CDKN1A: variants seen among roughly 807,000 people sequenced by gnomAD.
CDKN1A encodes cyclin-dependent kinase inhibitor 1.
A neutral mutation model predicts 14.8 loss-of-function variants in CDKN1A; 14 were observed. That is an observed-to-expected ratio of 0.94 (90% CI 0.62 to 1.48). CDKN1A has a LOEUF of 1.48. CDKN1A is among the 40% of genes most tolerant of loss of function. CDKN1A has a pLI of 0.00. For missense variants in CDKN1A, 203 were observed against 231.7 expected, an observed-to-expected ratio of 0.88 and a Z score of 0.80; for synonymous variants, 92 against 93.5, an observed-to-expected ratio of 0.98 and a Z score of 0.09.
Position 36,678,786 on chromosome 6 carries a change from G to A in CDKN1A, c.-18G>A, listed in dbSNP as rs1275929800. On this transcript the variant is annotated 5_prime_UTR_variant, in exon 1 of 3. Transcript: ENST00000244741. This position sits in a 1 kb window ranked among gnomAD's most constrained non-coding sequence, Gnocchi z 5.7. Reference sequence around the variant, plus strand: ...GGCGCGGATTCGCCGAGGCACCGAGGCACTCAGAGGAGGTGAGAGAGCGGC... The same window carrying A: ...GGCGCGGATTCGCCGAGGCACCGAGACACTCAGAGGAGGTGAGAGAGCGGC... 11 of 985,658 alleles carry A rather than the reference G, an allele frequency of 1.1e-5. No individual in the cohort carries two copies. Among genetic ancestry groups the A allele is most frequent in the African/African-American group, 1.7e-5 (1 of 57,264 alleles). The allele number at this position is 985,658 out of a possible 1,614,324, so 61.1% of individuals were successfully genotyped here. A position where few individuals can be genotyped will look rare whatever the true frequency, so the allele number is the denominator to read the frequency against.
At chr6:36,678,504 A>G (rs1761766336), upstream of CDKN1A, 1 of 183,848 alleles carries the variant, frequency 5.4e-6, no homozygotes, top group Non-Finnish European at 1.0e-5. The surrounding 1 kb of genome is among the most constrained non-coding windows in gnomAD (Gnocchi z 5.7). Flanking sequence ...GGAGGAGGGA[A>G]GTGCCCTCCT....
chr6:36,676,650 G>A (rs1293041727), upstream of CDKN1A: 2 of 152,282 alleles, frequency 1.3e-5, no homozygotes, highest in African/African-American at 4.8e-5. Context: ...TCTGATGCAT[G>A]TGTGCTTGTG....
intron 1 of CDKN1A, among the ~76,000 whole-genome samples, chr6:36,683,304 G>A: frequency 6.6e-6 from 1 of 152,116 alleles, no homozygotes; most frequent in East Asian, 1.9e-4. Flanking sequence ...AGTAAAACCT[G>A]GACTCCAGCC....
At chr6:36,679,227 A>C (rs1761812249) in intron 1 of CDKN1A, among the ~76,000 whole-genome samples, 1 of 152,172 alleles carries the variant, frequency 6.6e-6, no homozygotes, top group Non-Finnish European at 1.5e-5. Context: ...GGGCCCAGGA[A>C]GGGCGAGGAA....
At chr6:36,685,015 G>A (rs1022754772) in intron 2 of CDKN1A, among the ~76,000 whole-genome samples, 3 of 152,080 alleles carry the variant, frequency 2.0e-5, no homozygotes, top group Admixed American at 6.5e-5. Flanking sequence ...AATTTTTTGA[G>A]TTTTTGTAGA....
At chr6:36,681,406 T>TC (rs1491023051) in intron 1 of CDKN1A, among the ~76,000 whole-genome samples, 4 of 63,446 alleles carry the variant, frequency 6.3e-5, no homozygotes, top group Non-Finnish European at 9.1e-5. Context: ...TCTTTCTTTC[T>TC]TCCTTTCTCT....
At chr6:36,681,683 C>T (rs1231068386) in intron 1 of CDKN1A, among the ~76,000 whole-genome samples, 2 of 149,708 alleles carry the variant, frequency 1.3e-5, no homozygotes, top group Non-Finnish European at 1.5e-5. Context: ...AGCTCCGCCT[C>T]CCGGGTTCAC....
intron 1 of CDKN1A, among the ~76,000 whole-genome samples, chr6:36,679,839 G>A (rs1761846151): frequency 6.6e-6 from 1 of 151,992 alleles, no homozygotes; most frequent in South Asian, 2.1e-4. Flanking sequence ...TGGATGGGAG[G>A]CGGGGAGGGT....
At chr6:36,681,788 G>T (rs1361563110) in intron 1 of CDKN1A, among the ~76,000 whole-genome samples, 2 of 151,840 alleles carry the variant, frequency 1.3e-5, no homozygotes, top group Admixed American at 1.3e-4. Context: ...TAGAGACGGG[G>T]TTTCACCGTG....
At chr6:36,681,307 T>TCTTC (rs1761952854) in intron 1 of CDKN1A, among the ~76,000 whole-genome samples, 1 of 124,660 alleles carries the variant, frequency 8.0e-6, no homozygotes, top group East Asian at 2.2e-4. Context: ...TTTCTTTCTT[T>TCTTC]CTTTCTTTCT....
intron 1 of CDKN1A, among the ~76,000 whole-genome samples, chr6:36,679,251 A>G (rs957100131): frequency 6.6e-6 from 1 of 152,104 alleles, no homozygotes; most frequent in Non-Finnish European, 1.5e-5. Context: ...GGAGTGGAGT[A>G]AGTTCGTCTA....
chr6:36,684,516 G>C lies in CDKN1A; in HGVS notation c.415G>C (p.Gly139Arg), dbSNP rs1562040975. The C allele has an allele frequency of 6.2e-7, 1 of 1,614,200 alleles. No individual in the cohort carries two copies. The highest frequency in any genetic ancestry group is 8.5e-7 in the Non-Finnish European group (1 of 1,180,038). ...GSPGGPGDSQ[G>R]RKRRQTSMTD... ...CCCAGGTGGACCTGGAGACTCTCAG[G>C]GTCGAAAACGGCGGCAGACCAGCAT... The change falls in exon 2 of 3, where the codon GGT becomes CGT. Residue 139 changes from glycine (G) to arginine (R), a missense_variant. Transcript: ENST00000244741. The surrounding 1 kb of genome is among the most constrained non-coding windows in gnomAD (Gnocchi z 6.0).
At chr6:36,680,249 T>G (rs1761870379) in intron 1 of CDKN1A, among the ~76,000 whole-genome samples, 2 of 150,540 alleles carry the variant, frequency 1.3e-5, no homozygotes, top group South Asian at 2.1e-4. Context: ...GCTTTGGGCG[T>G]GGAGATAAGG....
At chr6:36,681,405 C>CTCT (rs1761990046) in intron 1 of CDKN1A, among the ~76,000 whole-genome samples, 5 of 92,558 alleles carry the variant, frequency 5.4e-5, no homozygotes, top group East Asian at 3.2e-4. Context: ...TTCTTTCTTT[C>CTCT]TTCCTTTCTC....
At chr6:36,677,527 G>A (rs957680959), upstream of CDKN1A, 1 of 252,018 alleles carries the variant, frequency 4.0e-6, no homozygotes, top group East Asian at 8.1e-5. Context: ...GTGAAGTCCA[G>A]GGGAGGTCAG....
intron 1 of CDKN1A, among the ~76,000 whole-genome samples, chr6:36,681,155 C>T (rs1761927507): frequency 1.3e-5 from 2 of 152,256 alleles, no homozygotes. Flanking sequence ...CCAAGAGTGC[C>T]CATCTGAGGA....
chr6:36,677,500 A>G (rs1647156252), upstream of CDKN1A: 1 of 203,584 alleles, frequency 4.9e-6, no homozygotes, highest in South Asian at 1.0e-4. Flanking sequence ...TGTTTCAGGC[A>G]CAGAAAGGAG....
At chr6:36,681,334 T>TTCTCTTTCTC (rs780161958) in intron 1 of CDKN1A, among the ~76,000 whole-genome samples, 1 of 86,058 alleles carries the variant, frequency 1.2e-5, no homozygotes, top group Admixed American at 1.1e-4. Flanking sequence ...CTTTCTTTCT[T>TTCTCTTTCTC]TTTCTTTCTT....
At chr6:36,680,307 CGTGTGTGTGT>C (rs59454180) in intron 1 of CDKN1A, among the ~76,000 whole-genome samples, 38 of 133,274 alleles carry the variant, frequency 2.9e-4, no homozygotes, top group South Asian at 2.6e-3. Flanking sequence ...TCTGCGCGGG[CGTGTGTGTGT>C]GTGTGTGTGT....
Sources: gnomAD v4.1 joint callset for allele counts (sites outside exome capture counted in the v4.1 genomes callset) on GRCh38, gnomAD v4.1.1 for gene constraint, Gnocchi (gnomAD v3.1) non-coding constraint, MANE v1.5 for transcripts, NCBI Gene and HGNC (gene_info 2026-07-23, HGNC 2026-07-21) for gene names.